Variants in SPOCK1 observed in about 807,000 individuals in gnomAD.
SPOCK1 encodes the protein testican-1.
SPOCK1 carries 23 observed loss-of-function variants against 55.3 expected under a neutral mutation model. That is an observed-to-expected ratio of 0.42 (90% CI 0.30 to 0.59). The LOEUF (loss-of-function observed/expected upper bound fraction) is 0.59, where lower values mean the gene tolerates loss of function less well. Among genes scored for constraint, SPOCK1 ranks in the 20% least tolerant of loss-of-function variants. The pLI, the probability that SPOCK1 is intolerant of heterozygous loss-of-function variation, is 0.22. For synonymous variants in SPOCK1, 226 were observed against 221.0 expected, an observed-to-expected ratio of 1.02 and a Z score of -0.20; for missense variants, 499 against 552.5, an observed-to-expected ratio of 0.90 and a Z score of 0.97.
intron 6 of SPOCK1, among the ~76,000 whole-genome samples, chr5:137,018,514 GGT>G (rs1328440709): frequency 1.3e-5 from 2 of 152,094 alleles, no homozygotes; most frequent in Non-Finnish European, 2.9e-5. Flanking sequence ...ACCCTCAGGA[GGT>G]ACATGATAAC....
At chr5:137,178,318 G>A (rs1218564132) in intron 3 of SPOCK1, among the ~76,000 whole-genome samples, 1 of 152,232 alleles carries the variant, frequency 6.6e-6, no homozygotes, top group Non-Finnish European at 1.5e-5. Context: ...TGGAACAAGG[G>A]ATAGAATTTC....
At chr5:137,202,219 C>G (rs1017376537) in intron 3 of SPOCK1, among the ~76,000 whole-genome samples, 2 of 152,142 alleles carry the variant, frequency 1.3e-5, no homozygotes, top group Non-Finnish European at 2.9e-5. Context: ...AATCCCAACA[C>G]AGGAAAGGCT....
chr5:137,162,436 G>A (rs568572788), intron 3 of SPOCK1, among the ~76,000 whole-genome samples: 2 of 152,222 alleles, frequency 1.3e-5, no homozygotes, highest in East Asian at 3.9e-4. Flanking sequence ...ACTGCACCTG[G>A]CCTTATAATG....
At chr5:137,343,948 AAGTTTCATTT>A (rs551468116) in intron 2 of SPOCK1, among the ~76,000 whole-genome samples, 37 of 152,174 alleles carry the variant, frequency 2.4e-4, no homozygotes, top group Non-Finnish European at 4.4e-4. Flanking sequence ...CAGGATCAGC[AAGTTTCATTT>A]AACCAGGCTA....
chr5:137,290,171 C>G (rs555362719), intron 2 of SPOCK1, among the ~76,000 whole-genome samples: 1 of 152,182 alleles, frequency 6.6e-6, no homozygotes, highest in African/African-American at 2.4e-5. Flanking sequence ...CAGAAATACT[C>G]AAAATTACCC....
rs147178357 is a variant in SPOCK1, at chr5:137,112,464, C to T, written c.445G>A (p.Gly149Ser). 29 of 1,613,734 alleles carry T rather than the reference C, an allele frequency of 1.8e-5. No individual in the cohort carries two copies. The highest frequency in any genetic ancestry group is 1.1e-4 in the South Asian group (10 of 91,056). ...GATGTGTAGGAGTGGCCATCTGAGC[C>T]GCAGACCATGGCTGACTGTGCCACG... ...CPVAQSAMVC[G>S]SDGHSYTSKC... The change falls in exon 5 of 11, where the codon GGC becomes AGC. Residue 149 changes from glycine (G) to serine (S), a missense_variant. Transcript: ENST00000394945.
At chr5:137,409,173 C>T (rs188582770) in intron 2 of SPOCK1, among the ~76,000 whole-genome samples, 3 of 152,190 alleles carry the variant, frequency 2.0e-5, no homozygotes, top group Admixed American at 1.3e-4. Context: ...GTCCCCACCT[C>T]CCCATCCTCA....
chr5:137,122,171 T>C (rs531342365), intron 4 of SPOCK1, among the ~76,000 whole-genome samples: 33 of 151,626 alleles, frequency 2.2e-4, no homozygotes, highest in African/African-American at 6.8e-4. Context: ...CAGACACCAG[T>C]GGGGTTTTAC....
intron 2 of SPOCK1, among the ~76,000 whole-genome samples, chr5:137,497,729 C>T (rs1337322094): frequency 6.6e-6 from 1 of 152,174 alleles, no homozygotes; most frequent in Non-Finnish European, 1.5e-5. Flanking sequence ...ACCCAGGGTC[C>T]CTTTCAGGGC....
intron 3 of SPOCK1, among the ~76,000 whole-genome samples, chr5:137,176,982 T>C (rs567717158): frequency 3.9e-5 from 6 of 152,320 alleles, no homozygotes; most frequent in South Asian, 2.1e-4. Context: ...CTTTCTTTTT[T>C]TGAAAGTTCA....
chr5:137,250,368 TAATA>T (rs1756485535), intron 3 of SPOCK1, among the ~76,000 whole-genome samples: 1 of 152,214 alleles, frequency 6.6e-6, no homozygotes, highest in South Asian at 2.1e-4. Flanking sequence ...ATAGGTACAA[TAATA>T]GATAGCCTCA....
chr5:137,111,955 ACAGT>A (rs1753484173), intron 5 of SPOCK1, among the ~76,000 whole-genome samples: 1 of 152,126 alleles, frequency 6.6e-6, no homozygotes, highest in African/African-American at 2.4e-5. Context: ...CCAGAAAAGA[ACAGT>A]GCCTTATTTG....
At chr5:137,440,592 C>A (rs377416297) in intron 2 of SPOCK1, among the ~76,000 whole-genome samples, 1 of 152,168 alleles carries the variant, frequency 6.6e-6, no homozygotes, top group South Asian at 2.1e-4. Flanking sequence ...TATAACTGTA[C>A]CTTTGCTACG....
intron 2 of SPOCK1, among the ~76,000 whole-genome samples, chr5:137,492,351 T>A (rs762875531): frequency 1.3e-5 from 2 of 152,182 alleles, no homozygotes; most frequent in Non-Finnish European, 2.9e-5. Context: ...TGATGCAGAT[T>A]TGCAGTTGCC....
intron 3 of SPOCK1, among the ~76,000 whole-genome samples, chr5:137,245,776 C>CAAAA (rs143599362): frequency 3.5e-5 from 5 of 140,868 alleles, no homozygotes; most frequent in African/African-American, 1.3e-4. Flanking sequence ...CAAAACAAAA[C>CAAAA]AAAAAAAAAA....
At chr5:137,420,552 C>T (rs1338678031) in intron 2 of SPOCK1, among the ~76,000 whole-genome samples, 5 of 152,184 alleles carry the variant, frequency 3.3e-5, no homozygotes, top group Non-Finnish European at 7.4e-5. Flanking sequence ...AGGAATTTAT[C>T]CATTTCTTCT....
chr5:137,487,994 T>G (rs1169004642), intron 2 of SPOCK1, among the ~76,000 whole-genome samples: 1 of 152,228 alleles, frequency 6.6e-6, no homozygotes, highest in Non-Finnish European at 1.5e-5. Flanking sequence ...TATTATTCAT[T>G]GCAGCTAAAT....
At chr5:137,259,825 T>C (rs1016878647) in intron 3 of SPOCK1, among the ~76,000 whole-genome samples, 9 of 152,146 alleles carry the variant, frequency 5.9e-5, no homozygotes, top group African/African-American at 1.2e-4. Flanking sequence ...CAGTGTCCCA[T>C]AGGATTCTGT....
At chr5:137,084,738 A>T (rs1012737862) in intron 5 of SPOCK1, among the ~76,000 whole-genome samples, 5 of 152,052 alleles carry the variant, frequency 3.3e-5, no homozygotes, top group Non-Finnish European at 5.9e-5. Flanking sequence ...CAGAAAAGAA[A>T]AGAGAAGAGA....
Sources: allele counts gnomAD v4.1 joint callset (sites outside exome capture counted in the v4.1 genomes callset), GRCh38; gene constraint gnomAD v4.1.1; transcripts MANE v1.5; gene names NCBI Gene and HGNC (gene_info 2026-07-23, HGNC 2026-07-21).